AGBL4: variants seen among roughly 807,000 people sequenced by gnomAD.
The protein encoded by AGBL4 is AGBL carboxypeptidase 4.
A neutral mutation model predicts 66.4 loss-of-function variants in AGBL4; 58 were observed. The observed-to-expected ratio is 0.87, with a 90% CI of 0.71 to 1.09. The LOEUF (loss-of-function observed/expected upper bound fraction) is 1.09, where lower values mean the gene tolerates loss of function less well. AGBL4 is among the 50% of genes least tolerant of loss of function. AGBL4 has a pLI of 0.00. For missense variants in AGBL4, 579 were observed against 631.0 expected, an observed-to-expected ratio of 0.92 and a Z score of 0.88; for synonymous variants, 234 against 222.9, an observed-to-expected ratio of 1.05 and a Z score of -0.44.
intron 6 of AGBL4, among the ~76,000 whole-genome samples, chr1:48,773,071 A>G (rs1376274462): frequency 6.6e-6 from 1 of 152,158 alleles, no homozygotes; most frequent in Non-Finnish European, 1.5e-5. Context: ...TGAGATGCAT[A>G]GGTGCACTGG....
chr1:49,197,931 A>G (rs931940196), intron 4 of AGBL4, among the ~76,000 whole-genome samples: 1 of 152,138 alleles, frequency 6.6e-6, no homozygotes, highest in African/African-American at 2.4e-5. Flanking sequence ...ATGCCAGTGG[A>G]TGCTGCTGCT....
At chr1:49,593,934 C>T (rs1331173443) in intron 3 of AGBL4, among the ~76,000 whole-genome samples, 1 of 152,010 alleles carries the variant, frequency 6.6e-6, no homozygotes, top group Non-Finnish European at 1.5e-5. Context: ...TATAAATGCA[C>T]ATACTTGTAT....
Position 49,988,905 on chromosome 1 carries a change from A to G in AGBL4, c.34+34858T>C, listed in dbSNP as rs373362613. Among the ~76,000 whole-genome samples, 239 of 152,292 alleles carry G rather than the reference A, an allele frequency of 1.6e-3. 1 individual carries two copies. The highest frequency in any genetic ancestry group is 4.9e-3 in the African/African-American group (204 of 41,566). ...AATGCTTCTGTCTCCAGCAAACCAT[A>G]GCACCTGAAATTCCCATTCGAGTAA... On this transcript the variant is annotated intron_variant, in intron 1 of 13. Transcript: ENST00000371839.
chr1:49,194,841 GTT>G (rs200420257), intron 4 of AGBL4, among the ~76,000 whole-genome samples: 11 of 139,750 alleles, frequency 7.9e-5, no homozygotes, highest in African/African-American at 7.8e-5. Flanking sequence ...TCATTGATCT[GTT>G]TTTTTTTTTT....
intron 3 of AGBL4, among the ~76,000 whole-genome samples, chr1:49,252,281 G>A (rs1208379119): frequency 6.6e-6 from 1 of 151,956 alleles, no homozygotes; most frequent in Non-Finnish European, 1.5e-5. Flanking sequence ...ATTAATAGCA[G>A]AACAGACCAA....
At chr1:49,760,376 T>C (rs570563621) in intron 2 of AGBL4, among the ~76,000 whole-genome samples, 2 of 152,316 alleles carry the variant, frequency 1.3e-5, no homozygotes, top group South Asian at 4.1e-4. Flanking sequence ...TGCCCATGCC[T>C]ATGTCCTGAA....
intron 3 of AGBL4, among the ~76,000 whole-genome samples, chr1:49,477,815 A>C (rs1646876342): frequency 6.6e-6 from 1 of 151,964 alleles, no homozygotes; most frequent in Admixed American, 6.6e-5. Context: ...AATTCAAGAT[A>C]ACACAGAGAA....
intron 3 of AGBL4, among the ~76,000 whole-genome samples, chr1:49,564,123 G>C (rs576420331): frequency 1.3e-5 from 2 of 152,030 alleles, no homozygotes; most frequent in Non-Finnish European, 2.9e-5. Context: ...TTCCCTGATG[G>C]TAGTTTGTAT....
chr1:49,881,214 G>A (rs1647265726), intron 1 of AGBL4, among the ~76,000 whole-genome samples: 1 of 152,102 alleles, frequency 6.6e-6, no homozygotes, highest in Non-Finnish European at 1.5e-5. Flanking sequence ...CAAAGGACAT[G>A]AACTCATCAT....
intron 3 of AGBL4, among the ~76,000 whole-genome samples, chr1:49,569,210 T>C (rs1245186317): frequency 3.3e-5 from 5 of 152,054 alleles, no homozygotes; most frequent in African/African-American, 1.2e-4. Context: ...GAGAGTAGGA[T>C]GGTTACCAGA....
intron 1 of AGBL4, among the ~76,000 whole-genome samples, chr1:49,855,354 T>C (rs1452881647): frequency 6.6e-6 from 1 of 152,082 alleles, no homozygotes; most frequent in African/African-American, 2.4e-5. Context: ...ATTGGACACA[T>C]CATATAGAAA....
chr1:49,510,527 G>T (rs1280974953), intron 3 of AGBL4, among the ~76,000 whole-genome samples: 2 of 150,602 alleles, frequency 1.3e-5, no homozygotes, highest in Non-Finnish European at 3.0e-5. Flanking sequence ...CTCCCATGTT[G>T]TAGGTTGCCT....
At chr1:49,442,149 C>A (rs906199317) in intron 3 of AGBL4, among the ~76,000 whole-genome samples, 1 of 152,112 alleles carries the variant, frequency 6.6e-6, no homozygotes, top group African/African-American at 2.4e-5. Context: ...TGAATAGATA[C>A]TCTTTCCCAC....
intron 4 of AGBL4, among the ~76,000 whole-genome samples, chr1:49,200,071 A>G (rs576393271): frequency 2.5e-4 from 38 of 152,166 alleles, no homozygotes; most frequent in African/African-American, 9.2e-4. Flanking sequence ...GTTCCTGTGT[A>G]CTCAGGATTC....
At chr1:48,706,760 G>A (rs1646886807) in intron 6 of AGBL4, among the ~76,000 whole-genome samples, 1 of 152,242 alleles carries the variant, frequency 6.6e-6, no homozygotes, top group Non-Finnish European at 1.5e-5. Flanking sequence ...ACTAAATGAT[G>A]AGTGCATTAA....
intron 4 of AGBL4, among the ~76,000 whole-genome samples, chr1:49,141,136 T>G (rs1345502473): frequency 1.3e-5 from 2 of 152,210 alleles, no homozygotes; most frequent in Non-Finnish European, 2.9e-5. Context: ...TGAGTTATAT[T>G]CAGTGTAACA....
intron 3 of AGBL4, among the ~76,000 whole-genome samples, chr1:49,389,810 T>C (rs1644810104): frequency 6.6e-6 from 1 of 152,164 alleles, no homozygotes; most frequent in South Asian, 2.1e-4. Flanking sequence ...GCTACTAAAA[T>C]AGAAGCCATG....
At chr1:49,770,238 T>C (rs1644016405) in intron 2 of AGBL4, among the ~76,000 whole-genome samples, 2 of 152,192 alleles carry the variant, frequency 1.3e-5, no homozygotes, top group Non-Finnish European at 2.9e-5. Context: ...TATGAAGCGA[T>C]GTAGAATTTT....
chr1:48,617,146 C>T lies in AGBL4; in HGVS notation c.951+17347G>A, dbSNP rs960710943. Among the ~76,000 whole-genome samples the T allele has an allele frequency of 2.0e-5, 3 of 152,264 alleles. No homozygotes were observed. In the South Asian group the frequency reaches 6.2e-4, roughly 32 times the overall value. The stretch of plus-strand genomic sequence containing the variant: ...CAACCATTGCACAGCATGATGGATT[C>T]ATTCAAAGAAATAGCTTGACAGAAG... On this transcript the variant is annotated intron_variant, in intron 9 of 13. Coordinates refer to ENST00000371839, the MANE Select transcript of AGBL4 (RefSeq NM_032785.4).
Sources: allele counts gnomAD v4.1 joint callset (sites outside exome capture counted in the v4.1 genomes callset), GRCh38; gene constraint gnomAD v4.1.1; transcripts MANE v1.5; gene names NCBI Gene and HGNC (gene_info 2026-07-23, HGNC 2026-07-21).